Variants in SLC2A5 observed in about 807,000 individuals in gnomAD.
The protein encoded by SLC2A5 is solute carrier family 2 member 5.
A neutral mutation model predicts 50.3 loss-of-function variants in SLC2A5; 56 were observed. The observed-to-expected ratio is 1.11, with a 90% CI of 0.90 to 1.39. SLC2A5 has a LOEUF of 1.39. Ranked by LOEUF, SLC2A5 falls within the 40% of genes most tolerant of loss-of-function variation. The pLI is 0.00. For synonymous variants in SLC2A5, 269 were observed against 281.9 expected (o/e 0.95, Z 0.46); for missense variants, 566 against 650.1 (o/e 0.87, Z 1.41).
At chr1:9,092,230 T>C (rs1642468021), upstream of SLC2A5, among the ~76,000 whole-genome samples, 1 of 152,002 alleles carries the variant, frequency 6.6e-6, no homozygotes, top group African/African-American at 2.4e-5. Context: ...TCATACAACA[T>C]ATCCCCTCTT....
intron 3 of SLC2A5, among the ~76,000 whole-genome samples, chr1:9,054,035 C>T (rs1408514587): frequency 3.3e-5 from 5 of 151,402 alleles, no homozygotes; most frequent in Admixed American, 6.6e-5. Context: ...TTATTACATC[C>T]GAAGAGAGAA....
intron 1 of SLC2A5, among the ~76,000 whole-genome samples, chr1:9,087,666 CTT>C (rs1212348426): frequency 6.6e-6 from 1 of 152,092 alleles, no homozygotes. Flanking sequence ...TGTCTTTTCT[CTT>C]GTTTCACTTT....
At chr1:9,053,289 A>ATTTATATTATATATTTATATATTG (rs1641647381) in intron 3 of SLC2A5, among the ~76,000 whole-genome samples, 1 of 44,466 alleles carries the variant, frequency 2.2e-5, no homozygotes, top group Non-Finnish European at 3.7e-5. Flanking sequence ...TATATATTGT[A>ATTTATATTATATATTTATATATTG]TATTTATATT....
chr1:9,092,747 A>G (rs144101112), upstream of SLC2A5, among the ~76,000 whole-genome samples: 1,005 of 152,284 alleles, frequency 6.6e-3, 6 homozygotes, highest in African/African-American at 0.022. Flanking sequence ...CAATCTGATA[A>G]TGGTCCTGAA....
intron 1 of SLC2A5, among the ~76,000 whole-genome samples, chr1:9,059,387 C>A (rs1380183868): frequency 6.6e-6 from 1 of 151,796 alleles, no homozygotes. Flanking sequence ...TCGTGATCTG[C>A]CTGCCTTGGC....
intron 1 of SLC2A5, among the ~76,000 whole-genome samples, chr1:9,068,189 C>CAAAAAAAAAAAAAAAAAA (rs755203801): frequency 1.6e-4 from 12 of 77,072 alleles, no homozygotes; most frequent in African/African-American, 5.4e-4. Context: ...GACTCTGTGT[C>CAAAAAAAAAAAAAAAAAA]AAAAAAAAAA....
chr1:9,089,431 G>GA (rs1417253172), upstream of SLC2A5, among the ~76,000 whole-genome samples: 16 of 152,218 alleles, frequency 1.1e-4, no homozygotes, highest in African/African-American at 3.6e-4. Context: ...CAGATATCTA[G>GA]AAAAAATTAT....
At chr1:9,084,976 G>T (rs1448059130) in intron 2 of SLC2A5, 2 of 152,266 alleles carry the variant, frequency 1.3e-5, no homozygotes, top group Non-Finnish European at 2.9e-5. Context: ...GATTCCTCCC[G>T]GCCCCAAGGC....
intron 1 of SLC2A5, among the ~76,000 whole-genome samples, chr1:9,085,875 G>T (rs1356582078): frequency 6.6e-6 from 1 of 152,186 alleles, no homozygotes; most frequent in East Asian, 1.9e-4. Context: ...CAAATCCTGG[G>T]AGTTCTGCTG....
chr1:9,054,889 A>G (rs969423998), intron 3 of SLC2A5, among the ~76,000 whole-genome samples: 1 of 152,096 alleles, frequency 6.6e-6, no homozygotes, highest in Non-Finnish European at 1.5e-5. Context: ...ATGCCACTGC[A>G]CTCCCACCTA....
At chr1:9,076,327 G>A (rs912706865) in intron 2 of SLC2A5, among the ~76,000 whole-genome samples, 5 of 152,170 alleles carry the variant, frequency 3.3e-5, no homozygotes, top group Non-Finnish European at 1.5e-5. Context: ...AGAAGAGAAA[G>A]CAGAAGTTCC....
At chr1:9,060,239 CCCCCATGT>C (rs1641892895) in intron 1 of SLC2A5, among the ~76,000 whole-genome samples, 2 of 87,596 alleles carry the variant, frequency 2.3e-5, no homozygotes, top group East Asian at 7.2e-4. Flanking sequence ...ACACACACAC[CCCCCATGT>C]ACACACACTA....
intron 2 of SLC2A5, 127 bp downstream of exon 2, chr1:9,058,025 G>A (rs1284774444): frequency 2.0e-5 from 14 of 689,522 alleles, no homozygotes; most frequent in East Asian, 1.4e-4. Flanking sequence ...TGCTGTGTCC[G>A]GAGGGTGTTT....
rs111341866 is a variant in SLC2A5 at position 9,037,906 on chromosome 1, C to T, written c.1293G>A (p.Pro431=). ...LSNFTVGLIF[P]FIQEGLGPYS... ...CCCGGGCCCCACTCACCTGGATGAA[C>T]GGGAAGATCAAGCCCACGGTGAAGT... is the stretch of plus-strand genomic sequence containing the variant. Residue 431 remains proline (P), a synonymous_variant, in exon 11 of 12, where the codon CCG becomes CCA. Coordinates refer to ENST00000377424, the MANE Select transcript of SLC2A5 (RefSeq NM_003039.3). 210 of 1,613,590 alleles carry T rather than the reference C, an allele frequency of 1.3e-4. No homozygotes were observed. The African/African-American group carries it at 1.6e-3, about 12-fold the overall frequency.
intron 1 of SLC2A5, among the ~76,000 whole-genome samples, chr1:9,069,204 C>T (rs1166792915): frequency 6.6e-6 from 1 of 152,222 alleles, no homozygotes; most frequent in Admixed American, 6.5e-5. Flanking sequence ...TTGCAGCTAA[C>T]ATGTTTGGTT....
chr1:9,069,519 C>G lies in SLC2A5; in HGVS notation c.18G>C (p.Gln6His). 6.2e-7 allele frequency: 1 copy of G among 1,614,126 alleles called. No individual in the cohort carries two copies. Among genetic ancestry groups the G allele is most frequent in the Non-Finnish European group, 8.5e-7 (1 of 1,180,022 alleles). The change falls in exon 1 of 12, where the codon CAG becomes CAC. Residue 6 changes from glutamine (Q) to histidine (H), a missense_variant. Physicochemically the swap from Gln to His is conservative, Grantham distance 24. Coordinates refer to ENST00000377424, the MANE Select transcript of SLC2A5 (RefSeq NM_003039.3). ...ACACACTCACCCCTTCCTTCATGCT[C>G]TGATCCTGTTGCTCCATGCTTGCTC... MEQQDQSMKEGRLTLV... is the reference protein window; with the variant it reads MEQQDHSMKEGRLTLV...
At chr1:9,058,624 C>A (rs920425681) in intron 1 of SLC2A5, among the ~76,000 whole-genome samples, 5 of 152,222 alleles carry the variant, frequency 3.3e-5, no homozygotes, top group Admixed American at 6.5e-5. Flanking sequence ...CAGAGAGAAG[C>A]TGAAACCTAC....
chr1:9,092,446 A>G (rs1642469657), upstream of SLC2A5, among the ~76,000 whole-genome samples: 1 of 152,220 alleles, frequency 6.6e-6, no homozygotes, highest in African/African-American at 2.4e-5. Context: ...GATATAAAGG[A>G]AGAGTTAAAA....
At chr1:9,068,868 C>A (rs1465168840) in intron 1 of SLC2A5, among the ~76,000 whole-genome samples, 1 of 152,154 alleles carries the variant, frequency 6.6e-6, no homozygotes, top group Non-Finnish European at 1.5e-5. Flanking sequence ...TGAATAAATG[C>A]AAATTCTTAT....
Sources: allele counts gnomAD v4.1 joint callset (sites outside exome capture counted in the v4.1 genomes callset), GRCh38; gene constraint gnomAD v4.1.1; transcripts MANE v1.5; gene names NCBI Gene and HGNC (gene_info 2026-07-23, HGNC 2026-07-21).